Variants in HECW1 observed in about 807,000 individuals in gnomAD.
HECW1 encodes E3 ubiquitin-protein ligase HECW1.
Under a neutral mutation model 182.3 loss-of-function variants are expected in HECW1, and 61 were observed. The observed-to-expected ratio is 0.33, with a 90% CI of 0.27 to 0.41. The LOEUF (loss-of-function observed/expected upper bound fraction) is 0.41, where lower values mean the gene tolerates loss of function less well. Ranked by LOEUF, HECW1 falls within the 10% of genes least tolerant of loss-of-function variation. The probability of loss-of-function intolerance (pLI) is 1.00; values close to 1 mark genes in which losing one functional copy is unlikely to be tolerated. For missense variants in HECW1, 1,739 were observed against 2,108.9 expected (o/e 0.82, Z 3.44); for synonymous variants, 859 against 832.6 (o/e 1.03, Z -0.55).
At chr7:43,219,418 CA>C (rs1796754580) in intron 2 of HECW1, among the ~76,000 whole-genome samples, 35 of 152,222 alleles carry the variant, frequency 2.3e-4, no homozygotes, top group Admixed American at 2.3e-3. Flanking sequence ...ACAGGACAAG[CA>C]GCAGACAAAA....
At chr7:43,319,692 TG>T (rs1435260294) in intron 4 of HECW1, among the ~76,000 whole-genome samples, 1 of 131,496 alleles carries the variant, frequency 7.6e-6, no homozygotes, top group Non-Finnish European at 1.6e-5. Flanking sequence ...CTCCACCTCC[TG>T]GGTTCAAGCG....
At position 43,426,166 on chromosome 7, in the gene HECW1, A is replaced by G. The variant is rs189026433; in HGVS notation, c.802-11837A>G. On this transcript the variant is annotated intron_variant, in intron 8 of 29. Transcript: ENST00000395891. Reference sequence around the variant, plus strand: ...TGACCTGAGTTTTCCTATGAGCACAAAAGTGCCAAATCTGAGGTCACAGAA... The same window carrying G: ...TGACCTGAGTTTTCCTATGAGCACAGAAGTGCCAAATCTGAGGTCACAGAA... Among the ~76,000 whole-genome samples, 124 of 152,340 alleles carry G rather than the reference A, an allele frequency of 8.1e-4. 2 individuals carry two copies. In the East Asian group the frequency reaches 0.023, roughly 28 times the overall value.
At chr7:43,307,876 CTATATATA>C (rs71008900) in intron 3 of HECW1, among the ~76,000 whole-genome samples, 2 of 127,598 alleles carry the variant, frequency 1.6e-5, no homozygotes, top group South Asian at 4.5e-4. Flanking sequence ...AATCATTTCA[CTATATATA>C]TATATATATA....
intron 3 of HECW1, among the ~76,000 whole-genome samples, chr7:43,275,235 G>A (rs1802969520): frequency 6.6e-6 from 1 of 152,162 alleles, no homozygotes; most frequent in Non-Finnish European, 1.5e-5. Context: ...GGAATAATGT[G>A]TAGCCTTTAT....
chr7:43,298,832 G>C (rs73111028), intron 3 of HECW1, among the ~76,000 whole-genome samples: 9,073 of 152,218 alleles, frequency 0.06, 348 homozygotes, highest in African/African-American at 0.11. Flanking sequence ...TCTGTCTGCC[G>C]CCCCCACATC....
At chr7:43,273,857 C>CTTT (rs60032315) in intron 3 of HECW1, among the ~76,000 whole-genome samples, 2 of 141,380 alleles carry the variant, frequency 1.4e-5, no homozygotes, top group Non-Finnish European at 1.5e-5. Flanking sequence ...AAATATGATT[C>CTTT]TTTTTTTTTT....
In HECW1 at chr7:43,356,870, G is replaced by A. The variant is rs76266372; in HGVS notation, c.461-4016G>A. ...AAATACAGCATACCAAAATGTATGC[G>A]GTATAGTAAACAACTCAAGAGCAAA... On this transcript the variant is annotated intron_variant, in intron 5 of 29. Transcript: ENST00000395891. Among the ~76,000 whole-genome samples the A allele has an allele frequency of 7.3e-3, 1,114 of 152,014 alleles. 10 individuals carry two copies. Among genetic ancestry groups the A allele is most frequent in the African/African-American group, 0.025 (1,056 of 41,470 alleles).
chr7:43,172,004 A>T (rs1411930092), intron 2 of HECW1, among the ~76,000 whole-genome samples: 4 of 152,062 alleles, frequency 2.6e-5, no homozygotes, highest in Non-Finnish European at 1.5e-5. Context: ...AAATCCAGGC[A>T]CAGTGGCTCA....
At chr7:43,490,102 G>A (rs564560577) in intron 17 of HECW1, among the ~76,000 whole-genome samples, 13 of 152,262 alleles carry the variant, frequency 8.5e-5, no homozygotes, top group African/African-American at 3.1e-4. Context: ...ATTACGTAAT[G>A]GATTGCCACC....
chr7:43,437,417 C>T (rs921091285), intron 8 of HECW1, among the ~76,000 whole-genome samples: 2 of 152,112 alleles, frequency 1.3e-5, no homozygotes, highest in Non-Finnish European at 2.9e-5. Flanking sequence ...TGCACATTTG[C>T]GCAAATTAAT....
At chr7:43,437,026 C>G (rs1024980903) in intron 8 of HECW1, among the ~76,000 whole-genome samples, 1 of 152,100 alleles carries the variant, frequency 6.6e-6, no homozygotes, top group East Asian at 1.9e-4. Context: ...CCACCATAAC[C>G]GGCTAACAAA....
At position 43,206,665 on chromosome 7, in the gene HECW1, G is replaced by GGTGCTGC. The variant is rs527673602; in HGVS notation, c.-31-37209_-31-37203dup. Among the ~76,000 whole-genome samples, 119 of 152,198 alleles carry GGTGCTGC rather than the reference G, an allele frequency of 7.8e-4. No homozygotes were observed. In the East Asian group the frequency reaches 0.017, roughly 22 times the overall value. On this transcript the variant is annotated intron_variant, in intron 2 of 29. Coordinates refer to ENST00000395891, the MANE Select transcript of HECW1 (RefSeq NM_015052.5). Reference sequence around the variant, plus strand: ...CCCCCACCTCCCATACTGGGTGCTGGGTGCTGCTTTTATTTCCTTCTTTTT... The same window carrying GGTGCTGC: ...CCCCCACCTCCCATACTGGGTGCTGGGTGCTGCGTGCTGCTTTTATTTCCTTCTTTTT...
chr7:43,320,781 G>A (rs778360107), intron 5 of HECW1, 39 bp downstream of exon 5: 1 of 1,428,610 alleles, frequency 7.0e-7, no homozygotes, highest in East Asian at 2.3e-5. Context: ...GGCAGACATG[G>A]ATGAAGCAGA....
At chr7:43,299,211 T>C (rs1043264104) in intron 3 of HECW1, among the ~76,000 whole-genome samples, 2 of 152,200 alleles carry the variant, frequency 1.3e-5, no homozygotes, top group African/African-American at 4.8e-5. Flanking sequence ...TAGTACCAAT[T>C]CAACTGTTTA....
At chr7:43,180,106 C>A (rs7803610) in intron 2 of HECW1, among the ~76,000 whole-genome samples, 65,613 of 152,024 alleles carry the variant, frequency 0.43, 14,652 homozygotes, top group African/African-American at 0.52. Flanking sequence ...GGTAACATTC[C>A]CTTTTATGCA....
chr7:43,299,161 C>T (rs1446948595), intron 3 of HECW1, among the ~76,000 whole-genome samples: 3 of 152,164 alleles, frequency 2.0e-5, no homozygotes, highest in Admixed American at 6.5e-5. Context: ...TGATAATCAT[C>T]GGTTTGCCAT....
chr7:43,486,599 C>G (rs960568094), intron 17 of HECW1, among the ~76,000 whole-genome samples: 1 of 152,194 alleles, frequency 6.6e-6, no homozygotes, highest in African/African-American at 2.4e-5. Flanking sequence ...CCGTGCCTGG[C>G]CTAATTTTAT....
intron 17 of HECW1, among the ~76,000 whole-genome samples, chr7:43,486,330 A>T (rs2078636974): frequency 6.6e-6 from 1 of 150,548 alleles, no homozygotes; most frequent in Non-Finnish European, 1.5e-5. Flanking sequence ...CCTGTCTCCC[A>T]GGCTGGAGTG....
intron 2 of HECW1, among the ~76,000 whole-genome samples, chr7:43,193,073 C>A (rs1189913126): frequency 6.6e-6 from 1 of 152,216 alleles, no homozygotes; most frequent in Admixed American, 6.5e-5. Flanking sequence ...ATGGTCCCTC[C>A]CCCTTTCACA....
Sources: gnomAD v4.1 joint callset for allele counts (sites outside exome capture counted in the v4.1 genomes callset) on GRCh38, gnomAD v4.1.1 for gene constraint, MANE v1.5 for transcripts, NCBI Gene and HGNC (gene_info 2026-07-23, HGNC 2026-07-21) for gene names.